NXPE2: variants seen among roughly 807,000 people sequenced by gnomAD.
The protein encoded by NXPE2 is neurexophilin and PC-esterase domain family member 2, also known as NXPE family member 2.
Under a neutral mutation model 34.4 loss-of-function variants are expected in NXPE2, and 34 were observed. The observed-to-expected ratio is 0.99, with a 90% CI of 0.75 to 1.31. NXPE2 has a LOEUF of 1.31. NXPE2 is among the 40% of genes most tolerant of loss of function. The pLI is 0.00. For missense variants in NXPE2, 649 were observed against 672.5 expected, an observed-to-expected ratio of 0.97 and a Z score of 0.39; for synonymous variants, 235 against 231.3, an observed-to-expected ratio of 1.02 and a Z score of -0.15.
At chr11:114,659,986 G>C in the NXPE2 span, among the ~76,000 whole-genome samples, 2 of 152,016 alleles carry the variant, frequency 1.3e-5, no homozygotes, top group East Asian at 1.9e-4. Flanking sequence ...AGATATAACA[G>C]ACATTAGACT....
the NXPE2 span, among the ~76,000 whole-genome samples, chr11:114,772,321 T>C: frequency 6.6e-6 from 1 of 152,152 alleles, no homozygotes; most frequent in Non-Finnish European, 1.5e-5. Flanking sequence ...AGACTCTGAT[T>C]GGAGCTTCCT....
At chr11:114,464,405 G>T in the NXPE2 span, among the ~76,000 whole-genome samples, 2 of 152,054 alleles carry the variant, frequency 1.3e-5, no homozygotes, top group African/African-American at 4.8e-5. Context: ...AACCTACAAT[G>T]GTTTGACTTA....
downstream of NXPE2, among the ~76,000 whole-genome samples, chr11:114,710,124 A>C (rs1054491813): frequency 6.0e-4 from 91 of 152,282 alleles, no homozygotes; most frequent in African/African-American, 2.2e-3. Context: ...GTTCATAGCA[A>C]TAAATGCTTA....
the NXPE2 span, among the ~76,000 whole-genome samples, chr11:114,466,169 T>C: frequency 6.6e-6 from 1 of 152,216 alleles, no homozygotes; most frequent in African/African-American, 2.4e-5. Flanking sequence ...ATAAATTTAT[T>C]TGTAGCTTGA....
chr11:114,765,950 T>C, the NXPE2 span, among the ~76,000 whole-genome samples: 1 of 152,132 alleles, frequency 6.6e-6, no homozygotes, highest in African/African-American at 2.4e-5. Context: ...CTTATATGAT[T>C]TTCCTGTTTG....
the NXPE2 span, among the ~76,000 whole-genome samples, chr11:114,739,956 C>G: frequency 6.6e-6 from 1 of 152,132 alleles, no homozygotes; most frequent in East Asian, 1.9e-4. Flanking sequence ...ATTATATATA[C>G]AGTAGTCCTC....
the NXPE2 span, among the ~76,000 whole-genome samples, chr11:114,609,420 G>T: frequency 6.6e-6 from 1 of 151,862 alleles, no homozygotes; most frequent in African/African-American, 2.4e-5. Flanking sequence ...TTACCCTGTG[G>T]ATAATAAGTG....
chr11:114,647,834 T>C, the NXPE2 span, among the ~76,000 whole-genome samples: 1 of 152,052 alleles, frequency 6.6e-6, no homozygotes, highest in Non-Finnish European at 1.5e-5. Flanking sequence ...TCTAAGTAGC[T>C]AAGATTACAG....
chr11:114,527,944 C>A, the NXPE2 span: 1 of 1,440,422 alleles, frequency 6.9e-7, no homozygotes, highest in Non-Finnish European at 9.6e-7. Context: ...TGCTCTCTGC[C>A]CATGTAACAC....
the NXPE2 span, among the ~76,000 whole-genome samples, chr11:114,545,725 T>G: frequency 6.6e-6 from 1 of 150,520 alleles, no homozygotes; most frequent in Non-Finnish European, 1.5e-5. Context: ...ATTCCTGCCC[T>G]GTCTCCAGGC....
At chr11:114,615,778 A>T in the NXPE2 span, among the ~76,000 whole-genome samples, 2 of 151,660 alleles carry the variant, frequency 1.3e-5, no homozygotes, top group African/African-American at 4.9e-5. Context: ...CTCATGGGTA[A>T]CCACTGTTAC....
At chr11:114,746,316 C>T in the NXPE2 span, among the ~76,000 whole-genome samples, 1 of 152,058 alleles carries the variant, frequency 6.6e-6, no homozygotes, top group African/African-American at 2.4e-5. Flanking sequence ...TCAGCTGAGC[C>T]AGGATTTCTG....
the NXPE2 span, among the ~76,000 whole-genome samples, chr11:114,624,614 G>C: frequency 6.6e-6 from 1 of 151,976 alleles, no homozygotes; most frequent in Non-Finnish European, 1.5e-5. Context: ...TTGCCTCATG[G>C]GCAACCACTG....
intron 2 of NXPE2, among the ~76,000 whole-genome samples, chr11:114,697,257 G>A (rs1463826446): frequency 6.6e-6 from 1 of 152,120 alleles, no homozygotes; most frequent in East Asian, 1.9e-4. Context: ...CCTTTTACGA[G>A]AAGAAAAGGG....
At chr11:114,711,902 A>G (rs895985321), downstream of NXPE2, among the ~76,000 whole-genome samples, 2 of 152,330 alleles carry the variant, frequency 1.3e-5, no homozygotes, top group Middle Eastern at 3.4e-3. Context: ...AAAGATAGCT[A>G]TGTAGACCAA....
At chr11:114,651,032 G>A in the NXPE2 span, among the ~76,000 whole-genome samples, 76 of 152,054 alleles carry the variant, frequency 5.0e-4, no homozygotes, top group Non-Finnish European at 9.1e-4. Context: ...TTTGAAGTCT[G>A]TGGTACATTG....
chr11:114,624,779 G>A, the NXPE2 span, among the ~76,000 whole-genome samples: 8 of 151,978 alleles, frequency 5.3e-5, no homozygotes, highest in East Asian at 1.9e-4. Flanking sequence ...GTATTGCCTC[G>A]TGGGTAAGCA....
At chr11:114,469,237 G>A in the NXPE2 span, among the ~76,000 whole-genome samples, 6 of 146,032 alleles carry the variant, frequency 4.1e-5, no homozygotes, top group African/African-American at 1.3e-4. Context: ...TCAGCCTCCC[G>A]AGTAGCTGGG....
chr11:114,777,913 A>G, the NXPE2 span, among the ~76,000 whole-genome samples: 1 of 152,330 alleles, frequency 6.6e-6, no homozygotes, highest in South Asian at 2.1e-4. Context: ...ATTCTGAGTG[A>G]GCAACTGAGC....
Sources: allele counts gnomAD v4.1 joint callset (sites outside exome capture counted in the v4.1 genomes callset), GRCh38; gene constraint gnomAD v4.1.1; transcripts MANE v1.5; gene names NCBI Gene and HGNC (gene_info 2026-07-23, HGNC 2026-07-21).